The following WLS variants were observed in gnomAD, a reference collection of about 807,000 sequenced individuals.
WLS encodes the protein protein wntless homolog.
Under a neutral mutation model 62.8 loss-of-function variants are expected in WLS, and 23 were observed. That is an observed-to-expected ratio of 0.37 (90% CI 0.26 to 0.52). WLS has a LOEUF of 0.52. WLS is among the 20% of genes least tolerant of loss of function. The pLI is 0.92. For synonymous variants in WLS, 246 were observed against 244.1 expected, an observed-to-expected ratio of 1.01 and a Z score of -0.07; for missense variants, 615 against 697.3, an observed-to-expected ratio of 0.88 and a Z score of 1.33.
chr1:68,177,737 GC>G (rs1011149049), intron 2 of WLS, among the ~76,000 whole-genome samples: 2 of 152,068 alleles, frequency 1.3e-5, no homozygotes, highest in African/African-American at 4.8e-5. Context: ...CAAGAGATCT[GC>G]CCTCCTGGGC....
At chr1:68,160,160 G>A (rs17482217) in intron 2 of WLS, among the ~76,000 whole-genome samples, 50,622 of 146,482 alleles carry the variant, frequency 0.35, 8,970 homozygotes, top group East Asian at 0.43. Flanking sequence ...CTTAACTCAT[G>A]GGACTATTTT....
intron 11 of WLS, among the ~76,000 whole-genome samples, chr1:68,101,248 A>G (rs1646074159): frequency 6.6e-6 from 1 of 152,220 alleles, no homozygotes; most frequent in Admixed American, 6.5e-5. Context: ...ATGAAATAAT[A>G]CAAAGCACCT....
At chr1:68,195,162 C>A (rs1181883022) in intron 1 of WLS, among the ~76,000 whole-genome samples, 2 of 152,134 alleles carry the variant, frequency 1.3e-5, no homozygotes, top group Non-Finnish European at 2.9e-5. Context: ...ATAGTTATAT[C>A]ATGCATAGTT....
At chr1:68,220,822 G>C (rs756033941) in intron 1 of WLS, among the ~76,000 whole-genome samples, 1 of 152,242 alleles carries the variant, frequency 6.6e-6, no homozygotes, top group East Asian at 1.9e-4. Context: ...CAAGTGGGAA[G>C]AGTTAATGCC....
intron 1 of WLS, among the ~76,000 whole-genome samples, chr1:68,203,192 C>A (rs1340339030): frequency 6.6e-6 from 1 of 152,182 alleles, no homozygotes; most frequent in Non-Finnish European, 1.5e-5. Context: ...ACCTAGTTAA[C>A]AAGTAACATA....
chr1:68,181,041 C>G (rs781259147), intron 2 of WLS, among the ~76,000 whole-genome samples: 16 of 152,186 alleles, frequency 1.1e-4, no homozygotes, highest in Non-Finnish European at 1.8e-4. Context: ...GTCCCTAGCA[C>G]TTTTGCAAGC....
At chr1:68,112,624 G>T (rs1392762016) in intron 11 of WLS, among the ~76,000 whole-genome samples, 1 of 152,154 alleles carries the variant, frequency 6.6e-6, no homozygotes, top group East Asian at 1.9e-4. Flanking sequence ...ACTCTTTCAA[G>T]GCTCGGCTCA....
chr1:68,133,833 C>T (rs1213796302), intron 11 of WLS, among the ~76,000 whole-genome samples: 1 of 152,206 alleles, frequency 6.6e-6, no homozygotes, highest in Non-Finnish European at 1.5e-5. Context: ...TACCAAACAA[C>T]CTCCATCAAA....
chr1:68,226,654 T>C (rs1350334742), intron 1 of WLS, among the ~76,000 whole-genome samples: 1 of 152,134 alleles, frequency 6.6e-6, no homozygotes, highest in African/African-American at 2.4e-5. Context: ...GGGGCTCTTT[T>C]CTACCCACAG....
downstream of WLS, chr1:68,125,333 C>T (rs1188775617): frequency 3.0e-6 from 3 of 985,276 alleles, no homozygotes; most frequent in African/African-American, 5.2e-5. Flanking sequence ...TAGGTTCAAC[C>T]TGGAAAATAA....
intron 1 of WLS, among the ~76,000 whole-genome samples, chr1:68,214,526 G>A (rs1379802691): frequency 6.6e-6 from 1 of 152,002 alleles, no homozygotes; most frequent in Non-Finnish European, 1.5e-5. Context: ...AACCACATTC[G>A]GCTAATTTTT....
At chr1:68,121,328 T>C (rs1217162632), downstream of WLS, 1 of 152,176 alleles carries the variant, frequency 6.6e-6, no homozygotes, top group East Asian at 1.9e-4. Flanking sequence ...TAGGGAAGAC[T>C]TGAGTGGGGC....
chr1:68,228,907 T>G (rs1330305050), intron 1 of WLS, among the ~76,000 whole-genome samples: 33 of 148,156 alleles, frequency 2.2e-4, no homozygotes, highest in Non-Finnish European at 4.3e-4. Context: ...GTTTTTTTTT[T>G]TTTTTGGTAA....
chr1:68,112,200 G>A (rs1646236708), intron 11 of WLS, among the ~76,000 whole-genome samples: 1 of 152,188 alleles, frequency 6.6e-6, no homozygotes, highest in Non-Finnish European at 1.5e-5. Context: ...ATTGATGAGA[G>A]GAGTGACAAC....
At chr1:68,121,501 G>A (rs113340258), downstream of WLS, among the ~76,000 whole-genome samples, 1,647 of 152,318 alleles carry the variant, frequency 0.011, 12 homozygotes, top group Middle Eastern at 0.041. Flanking sequence ...GCCCCCCGAT[G>A]TCAGCAGAAA....
intron 1 of WLS, among the ~76,000 whole-genome samples, chr1:68,230,515 C>A (rs1444829971): frequency 2.0e-5 from 3 of 151,840 alleles, no homozygotes; most frequent in East Asian, 2.0e-4. Context: ...AAATCCAATA[C>A]GGGGAAACGA....
In WLS at chr1:68,101,792, G is replaced by A. The variant is rs187670933; in HGVS notation, c.1511-3039C>T. Among the ~76,000 whole-genome samples the A allele has an allele frequency of 6.2e-4, 95 of 152,224 alleles. 2 individuals are homozygous for A. The highest frequency in any genetic ancestry group is 3.4e-3 in the Middle Eastern group (1 of 294). On this transcript the variant is annotated intron_variant, in intron 11 of 11. Transcript: ENST00000354777. Reference sequence around the variant, plus strand: ...CTGCAAGGGGCTTTGCAAAATACACGCTTATAAACACACTTTCTCTTCCTT... The same window carrying A: ...CTGCAAGGGGCTTTGCAAAATACACACTTATAAACACACTTTCTCTTCCTT...
At chr1:68,133,417 A>G (rs1244612503) in intron 11 of WLS, among the ~76,000 whole-genome samples, 1 of 152,154 alleles carries the variant, frequency 6.6e-6, no homozygotes, top group African/African-American at 2.4e-5. Flanking sequence ...CAAGAGGTAG[A>G]TGAGGAAATC....
At chr1:68,150,635 G>A (rs1444953129) in intron 5 of WLS, among the ~76,000 whole-genome samples, 1 of 152,178 alleles carries the variant, frequency 6.6e-6, no homozygotes, top group South Asian at 2.1e-4. Flanking sequence ...TTCCTATAAT[G>A]TTTGTGTCCC....
Sources: gnomAD v4.1 joint callset for allele counts (sites outside exome capture counted in the v4.1 genomes callset) on GRCh38, gnomAD v4.1.1 for gene constraint, MANE v1.5 for transcripts, NCBI Gene and HGNC (gene_info 2026-07-23, HGNC 2026-07-21) for gene names.